Variants in SPIDR observed in about 807,000 individuals in gnomAD.
The protein encoded by SPIDR is scaffold protein involved in DNA repair, also known as DNA repair-scaffolding protein.
Under a neutral mutation model 104.6 loss-of-function variants are expected in SPIDR, and 93 were observed. That is an observed-to-expected ratio of 0.89 (90% CI 0.75 to 1.06). The LOEUF is 1.06. SPIDR is among the 50% of genes least tolerant of loss of function. SPIDR has a pLI of 0.00. For synonymous variants in SPIDR, 431 were observed against 416.9 expected (o/e 1.03, Z -0.41); for missense variants, 1,154 against 1,111.2 (o/e 1.04, Z -0.55).
chr8:47,403,783 T>G (rs2062280304), intron 6 of SPIDR, among the ~76,000 whole-genome samples: 1 of 152,186 alleles, frequency 6.6e-6, no homozygotes, highest in Admixed American at 6.5e-5. Flanking sequence ...TTACCCAAGG[T>G]AATTTATAGA....
intron 10 of SPIDR, among the ~76,000 whole-genome samples, chr8:47,636,717 G>A (rs2067983671): frequency 6.6e-6 from 1 of 151,756 alleles, no homozygotes; most frequent in South Asian, 2.1e-4. Context: ...TTGGGAAGCT[G>A]AGGTGGAAGG....
chr8:47,732,907 CATT>C (rs1563698004), intron 19 of SPIDR, among the ~76,000 whole-genome samples: 1 of 152,164 alleles, frequency 6.6e-6, no homozygotes. Context: ...TCAATAGTAA[CATT>C]ATTGTGGCAT....
intron 7 of SPIDR, among the ~76,000 whole-genome samples, chr8:47,414,474 CT>C (rs2063953312): frequency 6.6e-6 from 1 of 152,164 alleles, no homozygotes; most frequent in African/African-American, 2.4e-5. Context: ...TAAGATTCTC[CT>C]TATTTATCTG....
chr8:47,267,300 A>C (rs1201177144), intron 1 of SPIDR, among the ~76,000 whole-genome samples: 1 of 152,122 alleles, frequency 6.6e-6, no homozygotes, highest in Non-Finnish European at 1.5e-5. Flanking sequence ...TTGGGATTAC[A>C]TCCGTGAGCC....
intron 5 of SPIDR, among the ~76,000 whole-genome samples, chr8:47,358,668 C>T (rs1392538621): frequency 6.6e-6 from 1 of 152,188 alleles, no homozygotes; most frequent in Non-Finnish European, 1.5e-5. Flanking sequence ...CATGGCATGG[C>T]ATTGGCTTGG....
rs553794723 is a variant in SPIDR, at chr8:47,331,100, T to C, written c.525+37070T>C. ...TTAAATTTGCATTTCTCTGGTAATA[T>C]ATGATGTGGAGCATCTTTTCTTGTA... On this transcript the variant is annotated intron_variant, in intron 5 of 19. Coordinates refer to ENST00000297423, the MANE Select transcript of SPIDR (RefSeq NM_001080394.4). Among the ~76,000 whole-genome samples, 3 of 152,352 alleles carry C rather than the reference T, an allele frequency of 2.0e-5. No homozygotes were observed. In the South Asian group the frequency reaches 6.2e-4, roughly 32 times the overall value.
At chr8:47,432,557 G>T (rs2067551476) in intron 7 of SPIDR, among the ~76,000 whole-genome samples, 1 of 152,104 alleles carries the variant, frequency 6.6e-6, no homozygotes, top group African/African-American at 2.4e-5. Context: ...AGATGAAATT[G>T]TTTACTTTTT....
At chr8:47,485,102 G>A (rs1350635270) in intron 8 of SPIDR, among the ~76,000 whole-genome samples, 1 of 152,238 alleles carries the variant, frequency 6.6e-6, no homozygotes, top group Non-Finnish European at 1.5e-5. Context: ...TCCTAGCCAA[G>A]GGAAGCTGTG....
chr8:47,289,361 A>C (rs2039477930), intron 3 of SPIDR, among the ~76,000 whole-genome samples: 1 of 152,202 alleles, frequency 6.6e-6, no homozygotes. Context: ...GTGTATTAAA[A>C]TGTGCTTTGA....
At chr8:47,729,289 A>C (rs894735457) in intron 18 of SPIDR, 123 bp from the exon 19 acceptor site, 1 of 1,456,240 alleles carries the variant, frequency 6.9e-7, no homozygotes, top group African/African-American at 1.4e-5. Flanking sequence ...TAAGGCCGTG[A>C]GACTGAAGCT....
intron 1 of SPIDR, among the ~76,000 whole-genome samples, chr8:47,262,402 CAA>C: frequency 6.6e-6 from 1 of 152,012 alleles, no homozygotes; most frequent in East Asian, 1.9e-4. Context: ...CAGTTCATAA[CAA>C]ATGTTTATTA....
chr8:47,407,482 G>A (rs564814565), intron 6 of SPIDR, among the ~76,000 whole-genome samples: 15 of 152,298 alleles, frequency 9.8e-5, no homozygotes, highest in African/African-American at 3.4e-4. Context: ...TGTGTCCCTG[G>A]TACCTAACGA....
At chr8:47,298,534 T>C (rs1261966876) in intron 5 of SPIDR, among the ~76,000 whole-genome samples, 6 of 152,254 alleles carry the variant, frequency 3.9e-5, no homozygotes, top group Admixed American at 3.3e-4. Context: ...TGCCCATGCC[T>C]GTGTCCTGAA....
intron 8 of SPIDR, among the ~76,000 whole-genome samples, chr8:47,520,193 T>G (rs1244866675): frequency 6.6e-6 from 1 of 152,230 alleles, no homozygotes; most frequent in East Asian, 1.9e-4. Flanking sequence ...ACGCCTCTTG[T>G]AACACAGAGA....
intron 19 of SPIDR, among the ~76,000 whole-genome samples, 196 bp from the exon 20 acceptor site, chr8:47,735,111 G>GGGGT (rs1554618430): frequency 2.2e-5 from 3 of 135,182 alleles, no homozygotes; most frequent in African/African-American, 5.9e-5. Flanking sequence ...TGTGTGTGTG[G>GGGGT]GTGTGTGTGT....
Position 47,358,140 on chromosome 8 carries a change from A to G in SPIDR, c.526-38236A>G, listed in dbSNP as rs201344832. ...ACAGTGGAGTGCAGTGGCTGTTCAC[A>G]GGTGTGATCATGGCTCACTGCAGCC... On this transcript the variant is annotated intron_variant, in intron 5 of 19. Transcript: ENST00000297423. Among the ~76,000 whole-genome samples, 18 of 152,326 alleles carry G rather than the reference A, an allele frequency of 1.2e-4. No homozygotes were observed. The East Asian group carries it at 2.1e-3, about 18-fold the overall frequency.
chr8:47,322,325 A>C (rs952454684), intron 5 of SPIDR, among the ~76,000 whole-genome samples: 3 of 152,228 alleles, frequency 2.0e-5, no homozygotes, highest in African/African-American at 7.2e-5. Flanking sequence ...CAGCCAAAAG[A>C]CACTTGAAAA....
At chr8:47,713,349 C>A (rs540921603) in intron 15 of SPIDR, 140 bp from the exon 16 acceptor site, 70 of 1,229,964 alleles carry the variant, frequency 5.7e-5, no homozygotes, top group Non-Finnish European at 7.3e-5. Context: ...TGTGCACACA[C>A]AATGAACGTG....
At chr8:47,443,744 T>C (rs1298502351) in intron 8 of SPIDR, among the ~76,000 whole-genome samples, 3 of 151,504 alleles carry the variant, frequency 2.0e-5, no homozygotes, top group Non-Finnish European at 4.4e-5. Context: ...TCATTTAAAC[T>C]GTTTTTTTTT....
Sources: allele counts gnomAD v4.1 joint callset (sites outside exome capture counted in the v4.1 genomes callset), GRCh38; gene constraint gnomAD v4.1.1; transcripts MANE v1.5; gene names NCBI Gene and HGNC (gene_info 2026-07-23, HGNC 2026-07-21).